The following KCNIP4 variants were observed in gnomAD, a reference collection of about 807,000 sequenced individuals.
KCNIP4 encodes the protein Kv channel-interacting protein 4.
KCNIP4 carries 12 observed loss-of-function variants against 34.0 expected under a neutral mutation model. The observed-to-expected ratio is 0.35, with a 90% CI of 0.23 to 0.57. The LOEUF (loss-of-function observed/expected upper bound fraction) is 0.57, where lower values mean the gene tolerates loss of function less well. Among genes scored for constraint, KCNIP4 ranks in the 20% least tolerant of loss-of-function variants. The pLI, the probability that KCNIP4 is intolerant of heterozygous loss-of-function variation, is 0.83. For missense variants in KCNIP4, 238 were observed against 311.7 expected (o/e 0.76, Z 1.78); for synonymous variants, 124 against 102.2 (o/e 1.21, Z -1.29).
At chr4:21,051,124 A>T (rs1742892725) in intron 1 of KCNIP4, among the ~76,000 whole-genome samples, 1 of 152,210 alleles carries the variant, frequency 6.6e-6, no homozygotes. Context: ...CCCATGTTTT[A>T]TTCATGGTTG....
At chr4:21,074,319 G>A (rs185702338) in intron 1 of KCNIP4, among the ~76,000 whole-genome samples, 173 of 152,250 alleles carry the variant, frequency 1.1e-3, no homozygotes, top group African/African-American at 4.0e-3. Flanking sequence ...TTCAGAGCCT[G>A]TTATTGGTCT....
At chr4:21,895,901 T>G (rs886403418) in intron 1 of KCNIP4, among the ~76,000 whole-genome samples, 1 of 152,182 alleles carries the variant, frequency 6.6e-6, no homozygotes, top group Admixed American at 6.5e-5. Context: ...GGTGCCTTAA[T>G]GTTGCTAAGT....
intron 3 of KCNIP4, among the ~76,000 whole-genome samples, chr4:20,763,055 G>T (rs1172648557): frequency 1.3e-5 from 2 of 152,074 alleles, no homozygotes; most frequent in African/African-American, 2.4e-5. Flanking sequence ...TGGGGGAACT[G>T]CCTCCATGAT....
chr4:21,885,883 T>C (rs1726735714), intron 1 of KCNIP4, among the ~76,000 whole-genome samples: 9 of 152,152 alleles, frequency 5.9e-5, no homozygotes, highest in Admixed American at 5.9e-4. Flanking sequence ...ATGAGAATAT[T>C]CGCACTGAAA....
At chr4:20,736,135 A>G (rs1192983795) in intron 5 of KCNIP4, among the ~76,000 whole-genome samples, 1 of 152,020 alleles carries the variant, frequency 6.6e-6, no homozygotes, top group African/African-American at 2.4e-5. Context: ...TGTTCCTTTC[A>G]CTCATAGACT....
intron 1 of KCNIP4, among the ~76,000 whole-genome samples, chr4:21,924,243 C>CTTTT (rs67541105): frequency 1.9e-5 from 2 of 107,564 alleles, no homozygotes; most frequent in African/African-American, 3.7e-5. Context: ...GAATATATTT[C>CTTTT]TTTTTTTTTT....
chr4:21,691,341 C>T (rs539431639), intron 1 of KCNIP4, among the ~76,000 whole-genome samples: 29 of 152,252 alleles, frequency 1.9e-4, no homozygotes, highest in African/African-American at 6.7e-4. Flanking sequence ...GGCCACCACT[C>T]TGTCTGGAAG....
chr4:21,084,079 T>C (rs1036490838), intron 1 of KCNIP4, among the ~76,000 whole-genome samples: 1 of 151,914 alleles, frequency 6.6e-6, no homozygotes, highest in African/African-American at 2.4e-5. Flanking sequence ...CTGCTTCTGC[T>C]GTGGCTCCAG....
chr4:21,445,018 T>G (rs572976075), intron 1 of KCNIP4, among the ~76,000 whole-genome samples: 1 of 152,272 alleles, frequency 6.6e-6, no homozygotes, highest in South Asian at 2.1e-4. Context: ...TGAGCTCCCA[T>G]TCACAATTGC....
At chr4:21,563,442 A>G (rs1400401745) in intron 1 of KCNIP4, among the ~76,000 whole-genome samples, 1 of 152,122 alleles carries the variant, frequency 6.6e-6, no homozygotes, top group Non-Finnish European at 1.5e-5. Context: ...ACTATATTCA[A>G]ATTGGGAATT....
At chr4:21,623,680 C>G (rs1428158783) in intron 1 of KCNIP4, among the ~76,000 whole-genome samples, 2 of 151,938 alleles carry the variant, frequency 1.3e-5, no homozygotes, top group Admixed American at 1.3e-4. Flanking sequence ...GAAATACCAG[C>G]TTAGTAGTTA....
At chr4:21,199,673 G>A (rs941484894) in intron 1 of KCNIP4, among the ~76,000 whole-genome samples, 3 of 151,894 alleles carry the variant, frequency 2.0e-5, no homozygotes, top group African/African-American at 4.8e-5. Context: ...TATTGCCTAG[G>A]TTTTCTTCTA....
At chr4:21,739,397 A>C (rs1716247106) in intron 1 of KCNIP4, among the ~76,000 whole-genome samples, 1 of 152,098 alleles carries the variant, frequency 6.6e-6, no homozygotes. Flanking sequence ...GGATTTGAAA[A>C]TTGAATCTAT....
chr4:21,133,387 C>T (rs1036244081), intron 1 of KCNIP4, among the ~76,000 whole-genome samples: 5 of 152,144 alleles, frequency 3.3e-5, no homozygotes, highest in East Asian at 1.9e-4. Context: ...TTGAGGCAAC[C>T]GGAAAATGAG....
At chr4:21,618,676 G>A (rs1260361303) in intron 1 of KCNIP4, among the ~76,000 whole-genome samples, 7 of 138,028 alleles carry the variant, frequency 5.1e-5, no homozygotes, top group Non-Finnish European at 9.2e-5. Context: ...TCAGTCGCCC[G>A]GGCTGGAGTG....
At chr4:21,294,965 T>C (rs1028780551) in intron 1 of KCNIP4, among the ~76,000 whole-genome samples, 1 of 152,216 alleles carries the variant, frequency 6.6e-6, no homozygotes, top group East Asian at 1.9e-4. Flanking sequence ...CCTTTTTACC[T>C]CTACTGTCAC....
At position 21,095,281 on chromosome 4, in the gene KCNIP4, C is replaced by G. The variant is rs527951253; in HGVS notation, c.62-212572G>C. ...TTGGGATTATCAGATTTGAGCTTGCCCAGGCAAGAAGAATTTCAGAGAAGC... is the reference window on the plus strand; with the variant it reads ...TTGGGATTATCAGATTTGAGCTTGCGCAGGCAAGAAGAATTTCAGAGAAGC... On this transcript the variant is annotated intron_variant, in intron 1 of 8. Coordinates refer to ENST00000382152, the MANE Select transcript of KCNIP4 (RefSeq NM_025221.6). Among the ~76,000 whole-genome samples, 6 of 152,150 alleles carry G rather than the reference C, an allele frequency of 3.9e-5. No individual in the cohort carries two copies. The South Asian group carries it at 1.2e-3, about 32-fold the overall frequency.
intron 1 of KCNIP4, among the ~76,000 whole-genome samples, chr4:21,819,710 T>C (rs779411064): frequency 6.6e-6 from 1 of 152,180 alleles, no homozygotes; most frequent in Non-Finnish European, 1.5e-5. Context: ...ATTGCCTTTA[T>C]GTGTGCTGTG....
chr4:20,845,974 G>A (rs1720320558), intron 3 of KCNIP4, among the ~76,000 whole-genome samples: 1 of 152,016 alleles, frequency 6.6e-6, no homozygotes, highest in Non-Finnish European at 1.5e-5. Flanking sequence ...CTGATCCTTG[G>A]GACAGTATAT....
Sources: allele counts gnomAD v4.1 joint callset (sites outside exome capture counted in the v4.1 genomes callset), GRCh38; gene constraint gnomAD v4.1.1; transcripts MANE v1.5; gene names NCBI Gene and HGNC (gene_info 2026-07-23, HGNC 2026-07-21).